ARHGEF26: variants seen among roughly 807,000 people sequenced by gnomAD.
The protein encoded by ARHGEF26 is Rho guanine nucleotide exchange factor 26, also known as Rho guanine nucleotide exchange factor (GEF) 26.
In ARHGEF26, 59 loss-of-function variants were observed where a neutral mutation model predicts 89.4. The observed-to-expected ratio is 0.66, with a 90% confidence interval of 0.54 to 0.82. The LOEUF (loss-of-function observed/expected upper bound fraction) is 0.82, where lower values mean the gene tolerates loss of function less well. ARHGEF26 is among the 40% of genes least tolerant of loss of function. ARHGEF26 has a pLI of 0.00. For missense variants in ARHGEF26, 1,234 were observed against 1,085.6 expected (o/e 1.14, Z -1.92); for synonymous variants, 500 against 428.4 (o/e 1.17, Z -2.06).
chr3:154,202,860 C>G (rs1714738941), intron 9 of ARHGEF26, among the ~76,000 whole-genome samples: 1 of 151,854 alleles, frequency 6.6e-6, no homozygotes, highest in Non-Finnish European at 1.5e-5. Flanking sequence ...TATCCTGAGA[C>G]TTCGCTGAAG....
At position 154,127,972 on chromosome 3, in the gene ARHGEF26, A is replaced by T. The variant is rs1397360141; in HGVS notation, c.1124-1602A>T. Among the ~76,000 whole-genome samples the T allele has an allele frequency of 2.6e-5, 4 of 152,172 alleles. No homozygotes were observed. In the East Asian group the frequency reaches 7.7e-4, roughly 29 times the overall value. ...TATGTTCGCATTATAGCTTTTGTGTATGCTTTTCCTGTAGCTCTGTAGCTT... is the reference window on the plus strand; with the variant it reads ...TATGTTCGCATTATAGCTTTTGTGTTTGCTTTTCCTGTAGCTCTGTAGCTT... On this transcript the variant is annotated intron_variant, in intron 3 of 14. Coordinates refer to ENST00000465093, the MANE Select transcript of ARHGEF26 (RefSeq NM_015595.4).
rs1250106855 is a variant in ARHGEF26 at position 154,213,224 on chromosome 3, T to A, written c.1846-4645T>A. 1.1e-4 allele frequency among the ~76,000 whole-genome samples: 16 copies of A among 143,204 alleles called. 1 individual carries two copies. Among genetic ancestry groups the A allele is most frequent in the Non-Finnish European group, 1.6e-5 (1 of 63,850 alleles). The allele number at this position is 143,204 out of a possible 152,430, so 93.9% of individuals were successfully genotyped here. On this transcript the variant is annotated intron_variant, in intron 9 of 14. Transcript: ENST00000465093. ...CATAGAGAGAGAGAGAGAGTGTGTG[T>A]GTGTGTGTGTGTGTGTGTATATATA...
In ARHGEF26 at chr3:154,152,909, A is replaced by G. The variant is rs1357421732; in HGVS notation, c.1464A>G (p.Thr488=). The part of the protein sequence containing the change: ...TERHHLFSNI[T]DVCEASKKFF... ...GGCACCATCTTTTCTCCAATATTAC[A>G]GATGTCTGTGAGGCAAGCAAAAAGT... Residue 488 remains threonine (T), a synonymous_variant, in exon 6 of 15, where the codon ACA becomes ACG. Coordinates refer to ENST00000465093, the MANE Select transcript of ARHGEF26 (RefSeq NM_015595.4). The G allele has an allele frequency of 7.5e-6, 12 of 1,596,420 alleles. No individual in the cohort carries two copies. The highest frequency in any genetic ancestry group is 9.4e-6 in the Non-Finnish European group (11 of 1,172,204).
At chr3:154,202,377 T>C (rs1296436222) in intron 9 of ARHGEF26, among the ~76,000 whole-genome samples, 2 of 152,218 alleles carry the variant, frequency 1.3e-5, no homozygotes, top group African/African-American at 2.4e-5. Context: ...TCTGTTTTGG[T>C]ACCAGTACCA....
At chr3:154,151,561 A>G (rs1720023272) in intron 5 of ARHGEF26, among the ~76,000 whole-genome samples, 1 of 152,200 alleles carries the variant, frequency 6.6e-6, no homozygotes, top group Non-Finnish European at 1.5e-5. Flanking sequence ...AAAAAATTCA[A>G]TACGCAGGTT....
At chr3:154,138,332 G>A (rs2108068104) in intron 4 of ARHGEF26, among the ~76,000 whole-genome samples, 1 of 152,228 alleles carries the variant, frequency 6.6e-6, no homozygotes, top group East Asian at 1.9e-4. Flanking sequence ...CCTTAGTGTA[G>A]CTTGTTATGT....
chr3:154,187,578 A>G lies in ARHGEF26; in HGVS notation c.1488-107A>G, dbSNP rs995289304. 2.0e-5 allele frequency: 18 copies of G among 904,154 alleles called. No individual in the cohort carries two copies. In the African/African-American group the frequency reaches 3.0e-4, roughly 15 times the overall value. 56.0% of individuals were successfully genotyped at this position (904,154 alleles called of 1,614,324 possible). On this transcript the variant is annotated intron_variant, in intron 6 of 14. Transcript: ENST00000465093. ...AAATATTTTTTAGTTGGTACTGTGT[A>G]CTGTTGAATTTTCAAACCCCGTGTA...
intron 11 of ARHGEF26, among the ~76,000 whole-genome samples, chr3:154,237,550 A>G (rs1335732403): frequency 1.1e-4 from 17 of 151,478 alleles, no homozygotes; most frequent in Admixed American, 1.1e-3. Context: ...ACACACACAC[A>G]CACACACACA....
intron 12 of ARHGEF26, among the ~76,000 whole-genome samples, chr3:154,241,050 T>C (rs955475278): frequency 2.6e-5 from 4 of 152,166 alleles, no homozygotes; most frequent in African/African-American, 9.7e-5. Context: ...TACGGAAATA[T>C]ACTGATAAAT....
intron 6 of ARHGEF26, among the ~76,000 whole-genome samples, chr3:154,172,091 G>A (rs1712483209): frequency 6.6e-6 from 1 of 152,208 alleles, no homozygotes; most frequent in Admixed American, 6.5e-5. Flanking sequence ...ATACAGAGTT[G>A]TAGACAGGAA....
intron 12 of ARHGEF26, among the ~76,000 whole-genome samples, chr3:154,252,030 T>C (rs144536251): frequency 6.6e-6 from 1 of 152,344 alleles, no homozygotes; most frequent in East Asian, 1.9e-4. Flanking sequence ...AAGGGTGCTA[T>C]GTTCCAATGC....
chr3:154,229,907 TAACA>T (rs1350750713), intron 11 of ARHGEF26, among the ~76,000 whole-genome samples: 3 of 150,992 alleles, frequency 2.0e-5, no homozygotes, highest in African/African-American at 7.4e-5. Flanking sequence ...ACTCATAGAT[TAACA>T]AATAACATTA....
intron 4 of ARHGEF26, among the ~76,000 whole-genome samples, chr3:154,130,079 A>G (rs1718590837): frequency 6.6e-6 from 1 of 151,510 alleles, no homozygotes; most frequent in African/African-American, 2.4e-5. Context: ...GTGTATATGT[A>G]CATGTATGTA....
chr3:154,189,625 C>T (rs752022150), intron 7 of ARHGEF26, among the ~76,000 whole-genome samples: 1 of 152,124 alleles, frequency 6.6e-6, no homozygotes, highest in Non-Finnish European at 1.5e-5. Context: ...GCGTAAGCCA[C>T]TGCGCCCAGC....
rs201789096 is a variant in ARHGEF26 at position 154,124,391 on chromosome 3, A to G, written c.1084-19A>G. On this transcript the variant is annotated intron_variant, in intron 2 of 14. Transcript: ENST00000465093. Reference sequence around the variant, plus strand: ...CTTTTCCTTTTTTTTTTTTTTTTTTACTTTTTTTTGTCTCTTAGAAAAAAA... The same window carrying G: ...CTTTTCCTTTTTTTTTTTTTTTTTTGCTTTTTTTTGTCTCTTAGAAAAAAA... 2 of 1,003,644 alleles carry G rather than the reference A, an allele frequency of 2.0e-6. No homozygotes were observed. The highest frequency in any genetic ancestry group is 3.8e-5 in the East Asian group (1 of 26,178). 62.2% of individuals were successfully genotyped at this position (1,003,644 alleles called of 1,614,324 possible). A position where few individuals can be genotyped will look rare whatever the true frequency, so the allele number is the denominator to read the frequency against.
chr3:154,219,110 T>TA (rs1420154145), intron 10 of ARHGEF26, among the ~76,000 whole-genome samples: 1 of 152,218 alleles, frequency 6.6e-6, no homozygotes, highest in African/African-American at 2.4e-5. Flanking sequence ...TTATAGCAAT[T>TA]AAAAAACCCA....
At chr3:154,240,619 A>G in intron 12 of ARHGEF26, 40 bp downstream of exon 12, 10 of 1,533,066 alleles carry the variant, frequency 6.5e-6, no homozygotes, top group Non-Finnish European at 8.8e-6. Context: ...AGCTGATAGT[A>G]TCTCCCTGAC....
intron 5 of ARHGEF26, among the ~76,000 whole-genome samples, chr3:154,150,086 C>A (rs1719929777): frequency 7.4e-6 from 1 of 135,302 alleles, no homozygotes; most frequent in African/African-American, 2.6e-5. Context: ...GTGTGTATGT[C>A]AATGCATATA....
chr3:154,208,495 G>A (rs1045875239), intron 9 of ARHGEF26, among the ~76,000 whole-genome samples: 1 of 152,062 alleles, frequency 6.6e-6, no homozygotes, highest in African/African-American at 2.4e-5. Context: ...CTAGGTTTGG[G>A]AAGTTCTCTG....
Sources: allele counts gnomAD v4.1 joint callset (sites outside exome capture counted in the v4.1 genomes callset), GRCh38; gene constraint gnomAD v4.1.1; transcripts MANE v1.5; gene names NCBI Gene and HGNC (gene_info 2026-07-23, HGNC 2026-07-21).